GPHN: variants seen among roughly 807,000 people sequenced by gnomAD.
The protein encoded by GPHN is gephyrin.
Under a neutral mutation model 95.5 loss-of-function variants are expected in GPHN, and 17 were observed. The observed-to-expected ratio is 0.18, with a 90% CI of 0.12 to 0.27. The LOEUF (loss-of-function observed/expected upper bound fraction) is 0.27, where lower values mean the gene tolerates loss of function less well. GPHN is among the 10% of genes least tolerant of loss of function. The probability of loss-of-function intolerance (pLI) is 1.00; values close to 1 mark genes in which losing one functional copy is unlikely to be tolerated. For missense variants in GPHN, 660 were observed against 978.1 expected, an observed-to-expected ratio of 0.67 and a Z score of 4.34; for synonymous variants, 320 against 322.5, an observed-to-expected ratio of 0.99 and a Z score of 0.08.
At chr14:67,329,880 AG>A in the GPHN span, among the ~76,000 whole-genome samples, 1 of 89,652 alleles carries the variant, frequency 1.1e-5, no homozygotes, top group Non-Finnish European at 1.8e-5. Context: ...ATAAATAAAT[AG>A]ATATAGAAAC....
chr14:66,628,739 G>C lies in GPHN; in HGVS notation c.65-52368G>C, dbSNP rs114013044. Among the ~76,000 whole-genome samples, 295 of 151,546 alleles carry C rather than the reference G, an allele frequency of 1.9e-3. 1 individual carries two copies. Among genetic ancestry groups the C allele is most frequent in the African/African-American group, 6.9e-3 (283 of 41,254 alleles). ...CTTGACTCTTTTGTAATAATGCTTA[G>C]CTTAAAACATAAACATATTGTACAA... On this transcript the variant is annotated intron_variant, in intron 1 of 22. Transcript: ENST00000478722.
the GPHN span, chr14:67,562,085 T>C: frequency 9.4e-6 from 15 of 1,603,842 alleles, no homozygotes; most frequent in African/African-American, 1.4e-5. Context: ...TTGGTGGGTA[T>C]GGGGCTGAGC....
At chr14:67,278,555 A>G in the GPHN span, among the ~76,000 whole-genome samples, 5 of 152,208 alleles carry the variant, frequency 3.3e-5, no homozygotes, top group Admixed American at 6.5e-5. Flanking sequence ...CTATATGCCA[A>G]ATCAGTTGAT....
At chr14:66,576,796 T>G (rs545958729) in intron 1 of GPHN, among the ~76,000 whole-genome samples, 1 of 152,352 alleles carries the variant, frequency 6.6e-6, no homozygotes, top group South Asian at 2.1e-4. Flanking sequence ...GCTGGCTATC[T>G]TCTGTATTTA....
the GPHN span, chr14:67,384,525 C>T: frequency 6.6e-6 from 1 of 151,990 alleles, no homozygotes; most frequent in Non-Finnish European, 1.5e-5. Context: ...TAAATTTATT[C>T]TCTTATGATA....
At chr14:67,725,528 G>T in the GPHN span, among the ~76,000 whole-genome samples, 1 of 152,206 alleles carries the variant, frequency 6.6e-6, no homozygotes, top group Non-Finnish European at 1.5e-5. Flanking sequence ...TGGCCACAAT[G>T]CCACTCTCTT....
chr14:67,389,494 C>A, the GPHN span, among the ~76,000 whole-genome samples: 2 of 152,140 alleles, frequency 1.3e-5, no homozygotes, highest in Non-Finnish European at 2.9e-5. Flanking sequence ...TTTGGCAATT[C>A]TTTTATTTCC....
intron 21 of GPHN, among the ~76,000 whole-genome samples, chr14:67,177,235 A>G (rs2083034374): frequency 1.3e-5 from 2 of 152,156 alleles, no homozygotes; most frequent in South Asian, 2.1e-4. Context: ...ATTTCCCTCT[A>G]CACATTGCTT....
At chr14:67,305,598 C>T in the GPHN span, among the ~76,000 whole-genome samples, 1 of 152,194 alleles carries the variant, frequency 6.6e-6, no homozygotes, top group African/African-American at 2.4e-5. Context: ...GTTTTCTCAA[C>T]ATTTTTTTCC....
the GPHN span, among the ~76,000 whole-genome samples, chr14:67,325,071 AT>A: frequency 1.3e-5 from 2 of 151,394 alleles, no homozygotes; most frequent in African/African-American, 2.4e-5. Flanking sequence ...TGCCTGGCTA[AT>A]TTTTTTGTAT....
the GPHN span, among the ~76,000 whole-genome samples, chr14:67,323,232 C>CATGTGTGTGTGTGTGTGT: frequency 3.3e-4 from 48 of 143,584 alleles, no homozygotes; most frequent in African/African-American, 1.2e-3. Flanking sequence ...CATATATACA[C>CATGTGTGTGTGTGTGTGT]GTGTGTGTGT....
the GPHN span, among the ~76,000 whole-genome samples, chr14:67,260,580 G>A: frequency 1.3e-5 from 2 of 152,082 alleles, no homozygotes; most frequent in Non-Finnish European, 2.9e-5. Flanking sequence ...GAGAGAGAGG[G>A]CAGGCAAAAT....
intron 2 of GPHN, among the ~76,000 whole-genome samples, chr14:66,705,924 C>T (rs76400584): frequency 0.072 from 10,969 of 152,150 alleles, 986 homozygotes; most frequent in African/African-American, 0.21. Context: ...CCCATTGTCT[C>T]AGCCTAAAAA....
At chr14:67,082,305 G>A (rs1230245027) in intron 11 of GPHN, among the ~76,000 whole-genome samples, 1 of 152,022 alleles carries the variant, frequency 6.6e-6, no homozygotes, top group Non-Finnish European at 1.5e-5. Context: ...TCCTTGTAGA[G>A]GTATATAGTA....
At chr14:67,172,985 G>A (rs1245001324) in intron 21 of GPHN, among the ~76,000 whole-genome samples, 1 of 152,180 alleles carries the variant, frequency 6.6e-6, no homozygotes, top group Admixed American at 6.5e-5. Context: ...ACGTCCAGGG[G>A]CAACCCTTCT....
At chr14:66,716,918 G>A (rs905649595) in intron 2 of GPHN, among the ~76,000 whole-genome samples, 1 of 152,154 alleles carries the variant, frequency 6.6e-6, no homozygotes, top group Non-Finnish European at 1.5e-5. Context: ...AGGTTACCTG[G>A]TGCTTTTGTC....
intron 10 of GPHN, among the ~76,000 whole-genome samples, chr14:67,052,341 A>G (rs907906647): frequency 2.7e-5 from 4 of 146,708 alleles, no homozygotes; most frequent in South Asian, 2.1e-4. Flanking sequence ...CATTAAACCA[A>G]AAAAAAAAAA....
At chr14:66,555,816 T>G (rs1218836666) in intron 1 of GPHN, among the ~76,000 whole-genome samples, 1 of 152,114 alleles carries the variant, frequency 6.6e-6, no homozygotes, top group Admixed American at 6.6e-5. Flanking sequence ...ACTTTAATGG[T>G]TTTCATTTAT....
At position 67,155,796 on chromosome 14, in the gene GPHN, G is replaced by A. The variant is rs148058945; in HGVS notation, c.1837-3619G>A. ...CTAGGAGCTCTACTAATCTCGAGCC[G>A]GATAAATAAAAGAAACCATACCTAG... On this transcript the variant is annotated intron_variant, in intron 18 of 22. Coordinates refer to ENST00000478722, the MANE Select transcript of GPHN (RefSeq NM_020806.5). Among the ~76,000 whole-genome samples, 180 of 151,928 alleles carry A rather than the reference G, an allele frequency of 1.2e-3. 9 individuals are homozygous for A. The East Asian group carries it at 0.018, about 15-fold the overall frequency.
Sources: allele counts gnomAD v4.1 joint callset (sites outside exome capture counted in the v4.1 genomes callset), GRCh38; gene constraint gnomAD v4.1.1; transcripts MANE v1.5; gene names NCBI Gene and HGNC (gene_info 2026-07-23, HGNC 2026-07-21).